The following KIAA1217 variants were observed in gnomAD, a reference collection of about 807,000 sequenced individuals.
KIAA1217 encodes the protein sickle tail protein homolog.
Under a neutral mutation model 163.9 loss-of-function variants are expected in KIAA1217, and 88 were observed. That is an observed-to-expected ratio of 0.54 (90% CI 0.45 to 0.64). The LOEUF is 0.64. Ranked by LOEUF, KIAA1217 falls within the 30% of genes least tolerant of loss-of-function variation. The pLI is 0.00. For synonymous variants in KIAA1217, 903 were observed against 923.1 expected (o/e 0.98, Z 0.39); for missense variants, 2,372 against 2,475.0 (o/e 0.96, Z 0.88).
intron 2 of KIAA1217, among the ~76,000 whole-genome samples, chr10:24,306,268 G>A (rs1422595753): frequency 6.6e-6 from 1 of 152,146 alleles, no homozygotes; most frequent in Non-Finnish European, 1.5e-5. Context: ...ATGACTGCAG[G>A]TTCTGGCTTT....
At chr10:23,850,270 A>G (rs971864587) in intron 1 of KIAA1217, among the ~76,000 whole-genome samples, 1 of 152,156 alleles carries the variant, frequency 6.6e-6, no homozygotes, top group Non-Finnish European at 1.5e-5. Flanking sequence ...TGGGCTGGCC[A>G]TTACAGGCTA....
At chr10:24,344,499 G>A (rs1210040899) in intron 2 of KIAA1217, among the ~76,000 whole-genome samples, 3 of 152,154 alleles carry the variant, frequency 2.0e-5, no homozygotes, top group East Asian at 1.9e-4. Flanking sequence ...GAGGTTTTGG[G>A]GTAGAGTCCA....
chr10:24,255,696 T>A (rs1217695571), intron 2 of KIAA1217: 1 of 281,046 alleles, frequency 3.6e-6, no homozygotes, highest in Admixed American at 4.9e-5. Context: ...CACCCAAGAG[T>A]CAGTTGTTCC....
At chr10:24,485,062 C>T (rs1332862505) in intron 6 of KIAA1217, among the ~76,000 whole-genome samples, 1 of 150,270 alleles carries the variant, frequency 6.7e-6, no homozygotes, top group African/African-American at 2.4e-5. Flanking sequence ...TGGGACTGAG[C>T]TTGGACCTCC....
At chr10:23,732,642 T>A (rs1311437041) in intron 1 of KIAA1217, among the ~76,000 whole-genome samples, 1 of 152,180 alleles carries the variant, frequency 6.6e-6, no homozygotes, top group Non-Finnish European at 1.5e-5. Flanking sequence ...TCCAATTTCA[T>A]TGATGTCTCT....
Position 24,136,901 on chromosome 10 carries a change from A to G in KIAA1217, c.-170-82725A>G, listed in dbSNP as rs1484342486. On this transcript the variant is annotated intron_variant, in intron 2 of 18. Coordinates refer to the KIAA1217 transcript ENST00000376462. Reference sequence around the variant, plus strand: ...GTTCTTTTTAGCTGTTTACAAAAGCATTAAGCCTACCCTAAAGGTCAAGAT... The same window carrying G: ...GTTCTTTTTAGCTGTTTACAAAAGCGTTAAGCCTACCCTAAAGGTCAAGAT... 1.3e-4 allele frequency among the ~76,000 whole-genome samples: 20 copies of G among 152,226 alleles called. 1 individual carries two copies. Among genetic ancestry groups the G allele is most frequent in the Admixed American group, 1.2e-3 (19 of 15,286 alleles).
At chr10:23,968,332 G>C (rs921358116) in intron 1 of KIAA1217, among the ~76,000 whole-genome samples, 5 of 152,134 alleles carry the variant, frequency 3.3e-5, no homozygotes, top group Admixed American at 2.6e-4. Context: ...GAAGTTGATG[G>C]GTATATGCTT....
At chr10:24,105,226 T>G (rs142440602) in intron 2 of KIAA1217, among the ~76,000 whole-genome samples, 57 of 152,104 alleles carry the variant, frequency 3.7e-4, no homozygotes, top group Non-Finnish European at 7.2e-4. Context: ...AAGAGAAAAT[T>G]CAAGCATCCC....
At chr10:24,439,102 C>T (rs1200190726) in intron 5 of KIAA1217, among the ~76,000 whole-genome samples, 3 of 152,110 alleles carry the variant, frequency 2.0e-5, no homozygotes, top group Non-Finnish European at 4.4e-5. Flanking sequence ...ACATTCAAAG[C>T]ACACAGGGAT....
chr10:24,315,492 T>G (rs2043232195), intron 2 of KIAA1217, among the ~76,000 whole-genome samples: 1 of 152,202 alleles, frequency 6.6e-6, no homozygotes, highest in Admixed American at 6.5e-5. Context: ...GACTCAGTCC[T>G]GTGTCCACGA....
intron 2 of KIAA1217, among the ~76,000 whole-genome samples, chr10:24,087,757 C>T (rs1048029564): frequency 3.9e-5 from 6 of 152,108 alleles, no homozygotes; most frequent in African/African-American, 1.2e-4. Context: ...TTTATTCCAT[C>T]GTGGTAGTCT....
upstream of KIAA1217, among the ~76,000 whole-genome samples, chr10:24,206,988 C>T (rs1446443449): frequency 6.6e-6 from 1 of 152,186 alleles, no homozygotes; most frequent in East Asian, 1.9e-4. Flanking sequence ...TTCCAAACAG[C>T]CCCCAGGAAA....
At chr10:23,790,084 CAT>C (rs1425349414) in intron 1 of KIAA1217, among the ~76,000 whole-genome samples, 4 of 106,524 alleles carry the variant, frequency 3.8e-5, no homozygotes, top group East Asian at 2.6e-4. Flanking sequence ...CACATATACA[CAT>C]ATGCATATAC....
chr10:24,402,790 G>T (rs953717235), intron 3 of KIAA1217, among the ~76,000 whole-genome samples: 6 of 152,192 alleles, frequency 3.9e-5, no homozygotes, highest in African/African-American at 1.4e-4. Flanking sequence ...ATCAAATGTG[G>T]TTTACAAATA....
intron 2 of KIAA1217, among the ~76,000 whole-genome samples, chr10:24,330,108 T>C (rs949250926): frequency 6.6e-6 from 1 of 152,048 alleles, no homozygotes; most frequent in Non-Finnish European, 1.5e-5. Context: ...GAGACCAGCC[T>C]GGCCAACATG....
chr10:24,118,653 G>T (rs2063158121), intron 2 of KIAA1217, among the ~76,000 whole-genome samples: 1 of 151,932 alleles, frequency 6.6e-6, no homozygotes, highest in South Asian at 2.1e-4. Flanking sequence ...CTGAATTAGA[G>T]TCTAGCTTTG....
At chr10:24,516,849 A>G (rs1454287583) in intron 10 of KIAA1217, among the ~76,000 whole-genome samples, 3 of 152,186 alleles carry the variant, frequency 2.0e-5, no homozygotes, top group East Asian at 1.9e-4. Context: ...ATTCTTCTTT[A>G]AAACACCTTT....
chr10:24,473,148 AG>A lies in KIAA1217; in HGVS notation c.847-79del. 3 of 937,146 alleles carry A rather than the reference AG, an allele frequency of 3.2e-6. No individual in the cohort carries two copies. In the East Asian group the frequency reaches 7.4e-5, roughly 23 times the overall value. 58.1% of individuals were successfully genotyped at this position (937,146 alleles called of 1,614,324 possible). A position where few individuals can be genotyped will look rare whatever the true frequency, so the allele number is the denominator to read the frequency against. ...GAGGGTGTATACATCTTGCAGGGGA[AG>A]TCACACGGTTACACACTGAGACTTC... On this transcript the variant is annotated intron_variant, in intron 5 of 20. Transcript: ENST00000376454.
chr10:24,249,377 C>G (rs2074221042), intron 2 of KIAA1217, among the ~76,000 whole-genome samples: 1 of 152,126 alleles, frequency 6.6e-6, no homozygotes, highest in South Asian at 2.1e-4. Flanking sequence ...CTGTGCAAAT[C>G]AAGAGAAAGC....
Sources: gnomAD v4.1 joint callset for allele counts (sites outside exome capture counted in the v4.1 genomes callset) on GRCh38, gnomAD v4.1.1 for gene constraint, MANE v1.5 for transcripts, NCBI Gene and HGNC (gene_info 2026-07-23, HGNC 2026-07-21) for gene names.